PLCL2: variants seen among roughly 807,000 people sequenced by gnomAD.
PLCL2 encodes phospholipase C like 2, also known as inactive phospholipase C-like protein 2.
Under a neutral mutation model 79.6 loss-of-function variants are expected in PLCL2, and 4 were observed. The observed-to-expected ratio is 0.05, with a 90% CI of 0.02 to 0.11. The LOEUF (loss-of-function observed/expected upper bound fraction) is 0.11, where lower values mean the gene tolerates loss of function less well. PLCL2 is among the 10% of genes least tolerant of loss of function. The probability of loss-of-function intolerance (pLI) is 1.00; values close to 1 mark genes in which losing one functional copy is unlikely to be tolerated. For synonymous variants in PLCL2, 484 were observed against 457.7 expected (o/e 1.06, Z -0.73); for missense variants, 895 against 1,291.0 (o/e 0.69, Z 4.70).
chr3:17,080,632 G>T (rs544034703), intron 5 of PLCL2, among the ~76,000 whole-genome samples: 7 of 152,088 alleles, frequency 4.6e-5, no homozygotes. Context: ...TGTATTTTTA[G>T]TAGAGACAGG....
At chr3:16,890,557 C>T (rs1696322376) in intron 1 of PLCL2, among the ~76,000 whole-genome samples, 1 of 152,286 alleles carries the variant, frequency 6.6e-6, no homozygotes, top group Middle Eastern at 3.4e-3. Flanking sequence ...AGACTTTATA[C>T]TTATGTGTTC....
intron 1 of PLCL2, among the ~76,000 whole-genome samples, chr3:16,959,499 C>G (rs1310716505): frequency 6.6e-6 from 1 of 152,114 alleles, no homozygotes; most frequent in Non-Finnish European, 1.5e-5. Context: ...TTCTCTTCCA[C>G]CTTTCATAGT....
intron 1 of PLCL2, among the ~76,000 whole-genome samples, chr3:16,957,723 G>T (rs955575548): frequency 1.4e-4 from 21 of 152,032 alleles, no homozygotes; most frequent in African/African-American, 3.4e-4. Context: ...CTGTATTGGG[G>T]GCATATATAT....
At chr3:16,910,374 G>T (rs963151038) in intron 1 of PLCL2, among the ~76,000 whole-genome samples, 1 of 151,976 alleles carries the variant, frequency 6.6e-6, no homozygotes, top group African/African-American at 2.4e-5. Flanking sequence ...TCAGTTTGCA[G>T]TCCTCCCCTT....
chr3:17,052,236 C>CAAAA (rs35316797), intron 4 of PLCL2, among the ~76,000 whole-genome samples: 3,733 of 97,118 alleles, frequency 0.038, 85 homozygotes, highest in South Asian at 0.059. Context: ...GTGAATATGG[C>CAAAA]AAAAAAAAAA....
At chr3:16,951,201 T>TG (rs1308695533) in intron 1 of PLCL2, among the ~76,000 whole-genome samples, 1 of 152,136 alleles carries the variant, frequency 6.6e-6, no homozygotes, top group African/African-American at 2.4e-5. Context: ...TAAAATGACC[T>TG]GAGCATTGTG....
chr3:17,053,593 A>G (rs2064863742), intron 4 of PLCL2, among the ~76,000 whole-genome samples: 1 of 152,224 alleles, frequency 6.6e-6, no homozygotes, highest in South Asian at 2.1e-4. Flanking sequence ...TCATTCCAGC[A>G]TTAACTCAAA....
intron 1 of PLCL2, among the ~76,000 whole-genome samples, chr3:16,937,672 A>T (rs184889904): frequency 1.4e-3 from 206 of 152,292 alleles, no homozygotes; most frequent in Middle Eastern, 3.4e-3. Context: ...TGTTTCAAAA[A>T]CCTTACTTGA....
chr3:17,013,622 T>C (rs1363021800), intron 2 of PLCL2, among the ~76,000 whole-genome samples: 2 of 152,178 alleles, frequency 1.3e-5, no homozygotes, highest in African/African-American at 2.4e-5. Context: ...TTAATAAAAA[T>C]GAAATGTTTA....
chr3:17,075,509 T>G (rs1390053976), intron 5 of PLCL2, among the ~76,000 whole-genome samples: 2 of 151,092 alleles, frequency 1.3e-5, no homozygotes, highest in Non-Finnish European at 2.9e-5. Flanking sequence ...CACTGTAGAC[T>G]TGCTTGACGC....
intron 4 of PLCL2, among the ~76,000 whole-genome samples, chr3:17,061,771 A>C (rs1575610433): frequency 6.6e-6 from 1 of 152,314 alleles, no homozygotes; most frequent in South Asian, 2.1e-4. Context: ...TATAGCTATA[A>C]AGCAAAAGTT....
chr3:17,012,753 CAGTT>C (rs2054781076), intron 2 of PLCL2, among the ~76,000 whole-genome samples: 2 of 152,104 alleles, frequency 1.3e-5, no homozygotes, highest in South Asian at 4.1e-4. Context: ...TAAAAGCAGT[CAGTT>C]AGGAATTACA....
At chr3:17,015,439 C>T (rs566876422) in intron 3 of PLCL2, among the ~76,000 whole-genome samples, 1 of 152,294 alleles carries the variant, frequency 6.6e-6, no homozygotes, top group Admixed American at 6.5e-5. Flanking sequence ...ATCCTCAGGA[C>T]ACCTAGAATA....
At chr3:17,032,697 G>A (rs1341886353) in intron 3 of PLCL2, among the ~76,000 whole-genome samples, 1 of 152,156 alleles carries the variant, frequency 6.6e-6, no homozygotes, top group Non-Finnish European at 1.5e-5. Context: ...AGCACCTGTG[G>A]AAAGTAGGAA....
At chr3:16,925,329 G>A (rs761732219) in intron 1 of PLCL2, among the ~76,000 whole-genome samples, 1 of 151,738 alleles carries the variant, frequency 6.6e-6, no homozygotes, top group Non-Finnish European at 1.5e-5. Context: ...ATCTTAGCCA[G>A]TTCAAGTTAT....
At chr3:16,931,062 T>C (rs1455692533) in intron 1 of PLCL2, among the ~76,000 whole-genome samples, 3 of 151,928 alleles carry the variant, frequency 2.0e-5, no homozygotes, top group Non-Finnish European at 4.4e-5. Flanking sequence ...CCAGTTCCCA[T>C]TCCTCAGCCC....
At chr3:17,070,931 T>C (rs939421462) in intron 5 of PLCL2, among the ~76,000 whole-genome samples, 4 of 152,048 alleles carry the variant, frequency 2.6e-5, no homozygotes, top group Non-Finnish European at 5.9e-5. Flanking sequence ...TCTGAAACAG[T>C]CCAAGGCTTG....
intron 4 of PLCL2, among the ~76,000 whole-genome samples, chr3:17,055,352 A>G (rs1015905222): frequency 6.6e-6 from 1 of 152,168 alleles, no homozygotes; most frequent in African/African-American, 2.4e-5. Context: ...TCTCATTTTA[A>G]TTCCCTCACT....
At chr3:16,939,305 CATT>C in intron 1 of PLCL2, among the ~76,000 whole-genome samples, 1 of 152,264 alleles carries the variant, frequency 6.6e-6, no homozygotes, top group South Asian at 2.1e-4. Flanking sequence ...TTAGTCTGTG[CATT>C]ATTATCTTTA....
Sources: allele counts gnomAD v4.1 joint callset (sites outside exome capture counted in the v4.1 genomes callset), GRCh38; gene constraint gnomAD v4.1.1; transcripts MANE v1.5; gene names NCBI Gene and HGNC (gene_info 2026-07-23, HGNC 2026-07-21).